Variants in DECR1 observed in about 807,000 individuals in gnomAD.
DECR1 encodes 2,4-dienoyl-CoA reductase 1.
DECR1 carries 44 observed loss-of-function variants against 38.8 expected under a neutral mutation model. That is an observed-to-expected ratio of 1.13 (90% confidence interval 0.89 to 1.46). The LOEUF is 1.46. Among genes scored for constraint, DECR1 ranks in the 40% most tolerant of loss-of-function variants. The pLI is 0.00. For missense variants in DECR1, 428 were observed against 405.5 expected (o/e 1.06, Z -0.48); for synonymous variants, 148 against 135.2 (o/e 1.09, Z -0.66).
At chr8:90,006,171 C>A in intron 1 of DECR1, 1 of 703,330 alleles carries the variant, frequency 1.4e-6, no homozygotes, top group Non-Finnish European at 2.6e-6. Flanking sequence ...ACATCCTTAG[C>A]AGGTTGACTA....
At chr8:90,030,300 T>A (rs1307239207) in intron 5 of DECR1, among the ~76,000 whole-genome samples, 1 of 152,172 alleles carries the variant, frequency 6.6e-6, no homozygotes, top group Non-Finnish European at 1.5e-5. Context: ...GGGGGTCCCC[T>A]GCTTTAGCAC....
chr8:90,032,456 G>C (rs1020481328), intron 5 of DECR1, among the ~76,000 whole-genome samples: 1 of 152,108 alleles, frequency 6.6e-6, no homozygotes, highest in African/African-American at 2.4e-5. Flanking sequence ...TGATTAGACT[G>C]TGTTACTTGG....
At position 90,005,373 on chromosome 8, in the gene DECR1, T is replaced by C. The variant is rs115238416; in HGVS notation, c.69+3812T>C. ...CATAGAGTCCAATGGCATTATGGTA[T>C]GATGTGCCGCATGTTAGGTTGGGTG... On this transcript the variant is annotated intron_variant, in intron 1 of 9. Coordinates refer to ENST00000220764, the MANE Select transcript of DECR1 (RefSeq NM_001359.2). 7.8e-3 allele frequency: 3,563 copies of C among 456,296 alleles called. 106 individuals are homozygous for C. The highest frequency in any genetic ancestry group is 0.063 in the African/African-American group (3,149 of 50,190). The allele number at this position is 456,296 out of a possible 1,614,324, so 28.3% of individuals were successfully genotyped here. A position where few individuals can be genotyped will look rare whatever the true frequency, so the allele number is the denominator to read the frequency against.
chr8:90,029,396 G>A (rs1813438301), intron 5 of DECR1: 1 of 152,136 alleles, frequency 6.6e-6, no homozygotes, highest in African/African-American at 2.4e-5. Context: ...CTAAGAAGTA[G>A]AAGCAACCCA....
intron 1 of DECR1, among the ~76,000 whole-genome samples, chr8:90,007,203 G>C (rs147559893): frequency 6.6e-6 from 1 of 152,258 alleles, no homozygotes; most frequent in African/African-American, 2.4e-5. Context: ...TTGTTTTCCT[G>C]AGTGTAAATT....
chr8:90,022,980 T>C (rs1038518878), intron 5 of DECR1, among the ~76,000 whole-genome samples: 3 of 152,202 alleles, frequency 2.0e-5, no homozygotes, highest in East Asian at 3.8e-4. Context: ...TCTTCCAAGA[T>C]TCCTGTCAGT....
At position 90,053,555 on chromosome 8, in the gene DECR1, A is replaced by G. The variant is rs879677484; in HGVS notation, c.*1658A>G. On this transcript the variant is annotated 3_prime_UTR_variant, in exon 10 of 10. Transcript: ENST00000220764. ...CTTTCCCTCCACTGATTCCACCAGT[A>G]TAGCCATATTTCTCTTTCTGGTTAA... Among the ~76,000 whole-genome samples the G allele has an allele frequency of 3.9e-5, 6 of 152,194 alleles. No individual in the cohort carries two copies. Among genetic ancestry groups the G allele is most frequent in the Non-Finnish European group, 8.8e-5 (6 of 68,022 alleles).
At chr8:90,016,840 C>G (rs1563624592) in intron 1 of DECR1, 2 of 340,488 alleles carry the variant, frequency 5.9e-6, no homozygotes, top group African/African-American at 2.2e-5. Flanking sequence ...TTTTATTGTC[C>G]CCATTTTGTA....
At chr8:90,017,898 T>C (rs1272666311) in intron 2 of DECR1, among the ~76,000 whole-genome samples, 1 of 152,238 alleles carries the variant, frequency 6.6e-6, no homozygotes, top group Non-Finnish European at 1.5e-5. Context: ...TTATTTTTTG[T>C]GAGGTGGAGT....
At position 90,009,166 on chromosome 8, in the gene DECR1, C is replaced by T. The variant is rs1812820907; in HGVS notation, c.69+7605C>T. On this transcript the variant is annotated intron_variant, in intron 1 of 9. Transcript: ENST00000220764. Reference sequence around the variant, plus strand: ...TTTACCTCACTGACCTCTTCTCCTGCCCCTGTCTCCCTCCTTCCTTCTTCT... The same window carrying T: ...TTTACCTCACTGACCTCTTCTCCTGTCCCTGTCTCCCTCCTTCCTTCTTCT... Among the ~76,000 whole-genome samples the T allele has an allele frequency of 2.6e-5, 4 of 152,190 alleles. No homozygotes were observed. In the South Asian group the frequency reaches 8.3e-4, roughly 32 times the overall value.
At chr8:90,011,365 C>T (rs1362753100) in intron 1 of DECR1, among the ~76,000 whole-genome samples, 1 of 152,260 alleles carries the variant, frequency 6.6e-6, no homozygotes, top group Admixed American at 6.5e-5. Flanking sequence ...CCTAAGGAAA[C>T]ACACATAGAT....
chr8:90,046,490 A>G (rs1813906000), intron 8 of DECR1, among the ~76,000 whole-genome samples: 1 of 152,240 alleles, frequency 6.6e-6, no homozygotes, highest in Non-Finnish European at 1.5e-5. Context: ...AGTTTAGAGA[A>G]AAAAGAGTAA....
intron 5 of DECR1, among the ~76,000 whole-genome samples, chr8:90,029,994 G>C (rs1466186560): frequency 6.6e-6 from 1 of 152,100 alleles, no homozygotes; most frequent in African/African-American, 2.4e-5. Context: ...TGGCACCAGG[G>C]ACCATTTTCG....
At chr8:90,012,200 T>A (rs886133792) in intron 1 of DECR1, among the ~76,000 whole-genome samples, 1 of 151,828 alleles carries the variant, frequency 6.6e-6, no homozygotes, top group African/African-American at 2.4e-5. Context: ...TTGCCCAGGC[T>A]GGAGTGTGGT....
At chr8:90,016,003 G>A (rs1293073736) in intron 1 of DECR1, among the ~76,000 whole-genome samples, 1 of 152,162 alleles carries the variant, frequency 6.6e-6, no homozygotes, top group Non-Finnish European at 1.5e-5. Flanking sequence ...AGCTCCTATT[G>A]TTCATTATAT....
At chr8:90,050,122 G>T (rs916162928) in intron 8 of DECR1, among the ~76,000 whole-genome samples, 1 of 152,092 alleles carries the variant, frequency 6.6e-6, no homozygotes, top group African/African-American at 2.4e-5. Flanking sequence ...CATGGACAAG[G>T]ACTTCATGAC....
At chr8:90,020,817 A>G in intron 4 of DECR1, 92 bp from the exon 5 acceptor site, 2 of 1,000,716 alleles carry the variant, frequency 2.0e-6, no homozygotes, top group Non-Finnish European at 2.8e-6. Context: ...TTATTGTATT[A>G]TTTCTATTAA....
chr8:90,020,551 G>C (rs947949206), intron 4 of DECR1, among the ~76,000 whole-genome samples: 3 of 152,034 alleles, frequency 2.0e-5, no homozygotes, highest in Admixed American at 2.0e-4. Context: ...ACCACACCCA[G>C]CTAATTTTTA....
chr8:90,043,245 G>A (rs533335714), intron 7 of DECR1, among the ~76,000 whole-genome samples: 7 of 152,204 alleles, frequency 4.6e-5, no homozygotes, highest in African/African-American at 1.7e-4. Flanking sequence ...GTTATAGGTA[G>A]GTAGCATTTT....
Sources: gnomAD v4.1 joint callset for allele counts (sites outside exome capture counted in the v4.1 genomes callset) on GRCh38, gnomAD v4.1.1 for gene constraint, MANE v1.5 for transcripts, NCBI Gene and HGNC (gene_info 2026-07-23, HGNC 2026-07-21) for gene names.